The following APP variants were observed in gnomAD, a reference collection of about 807,000 sequenced individuals.
APP encodes the protein amyloid-beta precursor protein.
APP carries 31 observed loss-of-function variants against 101.4 expected under a neutral mutation model. The ratio of observed to expected loss-of-function variants is 0.31; its 90% CI spans 0.23 to 0.41. The LOEUF is 0.41. Ranked by LOEUF, APP falls within the 10% of genes least tolerant of loss-of-function variation. The probability of loss-of-function intolerance (pLI) is 1.00; values close to 1 mark genes in which losing one functional copy is unlikely to be tolerated. For synonymous variants in APP, 366 were observed against 364.4 expected (o/e 1.00, Z -0.05); for missense variants, 839 against 1,003.7 (o/e 0.84, Z 2.22).
chr21:26,115,158 G>T (rs1243588250), intron 1 of APP, among the ~76,000 whole-genome samples: 1 of 152,184 alleles, frequency 6.6e-6, no homozygotes, highest in East Asian at 1.9e-4. Flanking sequence ...TTCAAGTGGA[G>T]ATCATTTAAT....
chr21:25,987,385 A>T (rs1371884460), intron 8 of APP, among the ~76,000 whole-genome samples: 2 of 152,236 alleles, frequency 1.3e-5, no homozygotes, highest in Non-Finnish European at 2.9e-5. Flanking sequence ...CCTTAGCTCT[A>T]GGTTTTGACC....
intron 6 of APP, among the ~76,000 whole-genome samples, chr21:26,014,911 CAGA>C: frequency 6.6e-6 from 1 of 152,306 alleles, no homozygotes. Context: ...GTTCACTTAA[CAGA>C]AGAACTCCCA....
rs2042467013 is a variant in APP, at chr21:25,982,404, A to G, written c.1164T>C (p.His388=). Residue 388 remains histidine (H), a synonymous_variant, in exon 9 of 18, where the codon CAT becomes CAC. Coordinates refer to ENST00000346798, the MANE Select transcript of APP (RefSeq NM_000484.4). The stretch of plus-strand genomic sequence containing the variant: ...TCTCTTTGGCTTTCTGGAAATGGGC[A>G]TGTTCATTCTCATCCCCAGGTGTCT... ...YLETPGDENE[H]AHFQKAKERL... 6.2e-7 allele frequency: 1 copy of G among 1,613,834 alleles called. No individual in the cohort carries two copies. Among genetic ancestry groups the G allele is most frequent in the Non-Finnish European group, 8.5e-7 (1 of 1,179,832 alleles).
At chr21:26,005,052 T>C (rs867010501) in intron 6 of APP, among the ~76,000 whole-genome samples, 1 of 152,186 alleles carries the variant, frequency 6.6e-6, no homozygotes. Context: ...CAGTCTATCA[T>C]TGATGGACAT....
intron 13 of APP, among the ~76,000 whole-genome samples, chr21:25,948,538 T>C (rs1231064186): frequency 6.6e-6 from 1 of 152,094 alleles, no homozygotes; most frequent in Non-Finnish European, 1.5e-5. Flanking sequence ...CGCATCTGGT[T>C]TATAATAATT....
chr21:25,906,794 C>T (rs951950661), intron 14 of APP, among the ~76,000 whole-genome samples: 2 of 151,836 alleles, frequency 1.3e-5, no homozygotes, highest in East Asian at 3.8e-4. Context: ...AGTGCTTCAA[C>T]TGCAGTTAAG....
chr21:26,157,773 T>A (rs1031526826), intron 1 of APP, among the ~76,000 whole-genome samples: 1 of 152,214 alleles, frequency 6.6e-6, no homozygotes, highest in Non-Finnish European at 1.5e-5. Flanking sequence ...AAGATCAATG[T>A]TCCTTTTTGC....
At chr21:25,993,873 C>CCA (rs141866013) in intron 8 of APP, among the ~76,000 whole-genome samples, 10,335 of 152,136 alleles carry the variant, frequency 0.068, 499 homozygotes, top group African/African-American at 0.12. Context: ...TGCTAAACAC[C>CCA]CATATGCCTA....
intron 11 of APP, among the ~76,000 whole-genome samples, chr21:25,971,160 G>GC (rs1466990109): frequency 1.3e-5 from 2 of 151,962 alleles, no homozygotes; most frequent in Non-Finnish European, 2.9e-5. Context: ...TGATTCTCCT[G>GC]CCTCAGCCTC....
chr21:25,887,174 C>CT (rs2037380996), intron 17 of APP, among the ~76,000 whole-genome samples: 1 of 152,132 alleles, frequency 6.6e-6, no homozygotes, highest in African/African-American at 2.4e-5. Context: ...GCAGAAAGAG[C>CT]TACAATACGT....
At chr21:25,968,897 T>C (rs9636775) in intron 11 of APP, among the ~76,000 whole-genome samples, 1 of 152,128 alleles carries the variant, frequency 6.6e-6, no homozygotes, top group Admixed American at 6.5e-5. Flanking sequence ...TCAAATACCA[T>C]TTACTGAATA....
At chr21:26,053,654 T>C (rs1043604065) in intron 3 of APP, among the ~76,000 whole-genome samples, 1 of 152,194 alleles carries the variant, frequency 6.6e-6, no homozygotes, top group African/African-American at 2.4e-5. Context: ...AGAGAACCAA[T>C]TACCATTCTA....
chr21:26,147,793 G>A (rs10460695), intron 1 of APP, among the ~76,000 whole-genome samples: 14,249 of 151,572 alleles, frequency 0.094, 904 homozygotes, highest in Admixed American at 0.15. Context: ...TACACACACC[G>A]GGCTAATCAG....
At chr21:26,100,092 A>C (rs989221268) in intron 2 of APP, among the ~76,000 whole-genome samples, 4 of 152,236 alleles carry the variant, frequency 2.6e-5, no homozygotes, top group African/African-American at 9.6e-5. Flanking sequence ...AGAAATAAAA[A>C]TAAATAGGAC....
chr21:26,060,408 G>A (rs909606548), intron 3 of APP, among the ~76,000 whole-genome samples: 1 of 152,156 alleles, frequency 6.6e-6, no homozygotes, highest in African/African-American at 2.4e-5. Flanking sequence ...GGCTGGGAGG[G>A]GGTGTTTCCT....
intron 1 of APP, among the ~76,000 whole-genome samples, chr21:26,165,732 T>A (rs2063593578): frequency 6.6e-6 from 1 of 152,244 alleles, no homozygotes; most frequent in South Asian, 2.1e-4. Flanking sequence ...CTCTATTGCA[T>A]GTTTCTTCAA....
At chr21:25,982,714 C>A (rs139432748) in intron 8 of APP, among the ~76,000 whole-genome samples, 2 of 152,120 alleles carry the variant, frequency 1.3e-5, no homozygotes, top group Non-Finnish European at 1.5e-5. Flanking sequence ...TAAAATGGTC[C>A]ATTTTGCAAT....
chr21:26,094,876 C>G (rs1431853458), intron 2 of APP, among the ~76,000 whole-genome samples: 2 of 151,568 alleles, frequency 1.3e-5, no homozygotes, highest in Non-Finnish European at 1.5e-5. Context: ...GATGGACTCT[C>G]ACTCTGTCGC....
intron 6 of APP, among the ~76,000 whole-genome samples, chr21:26,006,968 C>A (rs1273931445): frequency 6.6e-6 from 1 of 152,084 alleles, no homozygotes; most frequent in African/African-American, 2.4e-5. Flanking sequence ...AAACTATATT[C>A]CATGTGATGT....
Sources: allele counts gnomAD v4.1 joint callset (sites outside exome capture counted in the v4.1 genomes callset), GRCh38; gene constraint gnomAD v4.1.1; transcripts MANE v1.5; gene names NCBI Gene and HGNC (gene_info 2026-07-23, HGNC 2026-07-21).